The following SPTBN1 variants were observed in gnomAD, a reference collection of about 807,000 sequenced individuals.
SPTBN1 encodes the protein spectrin beta, non-erythrocytic 1.
Under a neutral mutation model 266.4 loss-of-function variants are expected in SPTBN1, and 32 were observed. The observed-to-expected ratio is 0.12, with a 90% CI of 0.09 to 0.16. The LOEUF (loss-of-function observed/expected upper bound fraction) is 0.16, where lower values mean the gene tolerates loss of function less well. SPTBN1 is among the 10% of genes least tolerant of loss of function. The pLI is 1.00. For missense variants in SPTBN1, 2,296 were observed against 3,067.1 expected (o/e 0.75, Z 5.94); for synonymous variants, 1,336 against 1,162.2 (o/e 1.15, Z -3.04).
chr2:54,494,207 A>G (rs1295103939), intron 1 of SPTBN1, among the ~76,000 whole-genome samples: 1 of 152,230 alleles, frequency 6.6e-6, no homozygotes, highest in Non-Finnish European at 1.5e-5. Flanking sequence ...ACAGAGGATG[A>G]TTATTCACAT....
intron 1 of SPTBN1, among the ~76,000 whole-genome samples, chr2:54,520,696 A>G (rs1670383404): frequency 8.0e-6 from 1 of 124,740 alleles, no homozygotes; most frequent in African/African-American, 3.1e-5. Context: ...AAGAGCAGGG[A>G]AAGTAGATAG....
chr2:54,549,937 C>T (rs1019734741), intron 2 of SPTBN1, among the ~76,000 whole-genome samples: 6 of 152,174 alleles, frequency 3.9e-5, no homozygotes, highest in African/African-American at 9.7e-5. Flanking sequence ...GTGTTGGGCA[C>T]AGTATCTGGT....
At chr2:54,595,206 C>G (rs1319771634) in intron 2 of SPTBN1, among the ~76,000 whole-genome samples, 1 of 152,230 alleles carries the variant, frequency 6.6e-6, no homozygotes, top group Non-Finnish European at 1.5e-5. Context: ...AGAGCAGTTA[C>G]AACACTCTGG....
chr2:54,651,732 T>C (rs1240245606), intron 26 of SPTBN1, among the ~76,000 whole-genome samples: 1 of 152,182 alleles, frequency 6.6e-6, no homozygotes, highest in Non-Finnish European at 1.5e-5. Flanking sequence ...AAAAATATGG[T>C]TCATTGTGTA....
chr2:54,585,977 AGTT>A (rs1255428577), intron 2 of SPTBN1, among the ~76,000 whole-genome samples: 1 of 152,254 alleles, frequency 6.6e-6, no homozygotes, highest in Non-Finnish European at 1.5e-5. Context: ...TGAAATTTTG[AGTT>A]ACACATTGGG....
At chr2:54,590,736 AC>A (rs1483663023) in intron 2 of SPTBN1, among the ~76,000 whole-genome samples, 15 of 152,198 alleles carry the variant, frequency 9.9e-5, no homozygotes, top group Non-Finnish European at 1.8e-4. Context: ...TGAGAGTAAG[AC>A]CTGTTAGGTT....
At chr2:54,598,998 C>A in intron 2 of SPTBN1, 94 bp from the exon 3 acceptor site, 1 of 1,477,102 alleles carries the variant, frequency 6.8e-7, no homozygotes, top group South Asian at 1.3e-5. Flanking sequence ...TTTTGCTGAC[C>A]TTCCTCTGGC....
At chr2:54,648,186 T>A (rs1401875752) in intron 24 of SPTBN1, among the ~76,000 whole-genome samples, 1 of 152,206 alleles carries the variant, frequency 6.6e-6, no homozygotes, top group Non-Finnish European at 1.5e-5. Flanking sequence ...GAATTGGCCT[T>A]GTGCATTTAA....
At chr2:54,529,619 G>A in intron 2 of SPTBN1, 1 of 722,056 alleles carries the variant, frequency 1.4e-6, no homozygotes, top group Non-Finnish European at 2.6e-6. Context: ...GAAGATAAAA[G>A]ACAACAACAC....
intron 2 of SPTBN1, among the ~76,000 whole-genome samples, chr2:54,560,188 G>C (rs963149409): frequency 1.2e-5 from 1 of 80,882 alleles, no homozygotes; most frequent in African/African-American, 9.9e-5. Context: ...GAGTTGGGGT[G>C]GGGGGGGGCG....
chr2:54,486,339 A>C (rs993964852), intron 1 of SPTBN1, among the ~76,000 whole-genome samples: 1 of 152,108 alleles, frequency 6.6e-6, no homozygotes, highest in Non-Finnish European at 1.5e-5. Flanking sequence ...TGTAGAAAGA[A>C]GTAGACATGG....
At chr2:54,481,391 A>AGTGTGTGTGTGTGT (rs72077761) in intron 1 of SPTBN1, among the ~76,000 whole-genome samples, 5 of 117,336 alleles carry the variant, frequency 4.3e-5, no homozygotes, top group Admixed American at 8.7e-5. Context: ...CAGAAACCTG[A>AGTGTGTGTGTGTGT]GTGTGTGTGT....
chr2:54,460,626 C>G (rs1030802554), intron 1 of SPTBN1, among the ~76,000 whole-genome samples: 2 of 152,190 alleles, frequency 1.3e-5, no homozygotes, highest in African/African-American at 2.4e-5. Context: ...CCTGCCCTCT[C>G]GTCCAGTCTT....
chr2:54,548,025 T>G (rs973115552), intron 2 of SPTBN1, among the ~76,000 whole-genome samples: 2 of 152,002 alleles, frequency 1.3e-5, no homozygotes, highest in Non-Finnish European at 2.9e-5. Context: ...TGCCTATAGT[T>G]CCAGCTACTT....
At position 54,666,077 on chromosome 2, in the gene SPTBN1, A is replaced by T; in HGVS notation, c.6822A>T (p.Val2274=). The T allele has an allele frequency of 2.5e-6, 4 of 1,612,290 alleles. No individual in the cohort carries two copies. Among genetic ancestry groups the T allele is most frequent in the East Asian group, 2.2e-5 (1 of 44,862 alleles). ...VALDYKKKKH[V]FKLRLNDGNE... The stretch of plus-strand genomic sequence containing the variant: ...TTGATTACAAAAAGAAGAAACACGT[A>T]TTCAAGCTAAGGTGAGAGTCGCCGT... Residue 2274 remains valine, a synonymous_variant, in exon 34 of 36, where the codon GTA becomes GTT. Transcript: ENST00000356805.
rs1681602242 is a variant in SPTBN1 at position 54,669,439 on chromosome 2, T to C, written c.*870T>C. The C allele has an allele frequency of 6.5e-6, 1 of 152,690 alleles. No homozygotes were observed. The highest frequency in any genetic ancestry group is 1.5e-5 in the Non-Finnish European group (1 of 68,050). The allele number at this position is 152,690 out of a possible 1,614,324, so 9.5% of individuals were successfully genotyped here. On this transcript the variant is annotated 3_prime_UTR_variant, in exon 36 of 36. Coordinates refer to ENST00000356805, the MANE Select transcript of SPTBN1 (RefSeq NM_003128.3). The stretch of plus-strand genomic sequence containing the variant: ...GTTGCCACACTGTGTTATAATTTGC[T>C]TCATTTCCTTGCTATTTGATACATA...
At chr2:54,482,230 G>C (rs1668136840) in intron 1 of SPTBN1, among the ~76,000 whole-genome samples, 1 of 152,044 alleles carries the variant, frequency 6.6e-6, no homozygotes, top group Non-Finnish European at 1.5e-5. Context: ...AAATGCAGGT[G>C]TCAGCCGGGC....
At chr2:54,466,908 G>T (rs1693664032) in intron 1 of SPTBN1, among the ~76,000 whole-genome samples, 1 of 152,134 alleles carries the variant, frequency 6.6e-6, no homozygotes, top group African/African-American at 2.4e-5. Flanking sequence ...TGAAATTTTT[G>T]AAAGATCTTT....
rs544877813 is a variant in SPTBN1 at position 54,575,853 on chromosome 2, C to G, written c.149-23239C>G. On this transcript the variant is annotated intron_variant, in intron 2 of 35. Transcript: ENST00000356805. ...AGACATTTGAGAGGCTGGGTCTCAA[C>G]ATGCCTCTGCCTAGGCAGTCATGGG... Among the ~76,000 whole-genome samples the G allele has an allele frequency of 3.9e-5, 6 of 152,324 alleles. No individual in the cohort carries two copies. The South Asian group carries it at 1.2e-3, about 32-fold the overall frequency.
Sources: gnomAD v4.1 joint callset for allele counts (sites outside exome capture counted in the v4.1 genomes callset) on GRCh38, gnomAD v4.1.1 for gene constraint, MANE v1.5 for transcripts, NCBI Gene and HGNC (gene_info 2026-07-23, HGNC 2026-07-21) for gene names.